The following L3MBTL4 variants were observed in gnomAD, a reference collection of about 807,000 sequenced individuals.
The protein encoded by L3MBTL4 is L3MBTL histone methyl-lysine binding protein 4, also known as lethal(3)malignant brain tumor-like protein 4.
A neutral mutation model predicts 84.5 loss-of-function variants in L3MBTL4; 70 were observed. The ratio of observed to expected loss-of-function variants is 0.83; its 90% CI spans 0.68 to 1.01. The LOEUF is 1.01. Ranked by LOEUF, L3MBTL4 falls within the 50% of genes least tolerant of loss-of-function variation. The pLI is 0.00. For missense variants in L3MBTL4, 715 were observed against 754.8 expected, an observed-to-expected ratio of 0.95 and a Z score of 0.62; for synonymous variants, 274 against 259.8, an observed-to-expected ratio of 1.05 and a Z score of -0.52.
chr18:5,966,821 C>T (rs1343191638), intron 17 of L3MBTL4, among the ~76,000 whole-genome samples: 2 of 152,184 alleles, frequency 1.3e-5, no homozygotes, highest in African/African-American at 4.8e-5. Flanking sequence ...ATTATTACCC[C>T]AATTAAGTAC....
At chr18:6,096,194 C>A (rs1409136622) in intron 14 of L3MBTL4, among the ~76,000 whole-genome samples, 1 of 152,172 alleles carries the variant, frequency 6.6e-6, no homozygotes, top group Non-Finnish European at 1.5e-5. Flanking sequence ...CAGACCCCTC[C>A]ACAGTGAGCT....
intron 4 of L3MBTL4, among the ~76,000 whole-genome samples, chr18:6,269,329 T>C (rs2048768276): frequency 6.6e-6 from 1 of 151,870 alleles, no homozygotes; most frequent in Non-Finnish European, 1.5e-5. Flanking sequence ...TGGTGGTGGG[T>C]GCCTGTAGTT....
chr18:6,184,454 C>A (rs1391136042), intron 12 of L3MBTL4, among the ~76,000 whole-genome samples: 3 of 152,126 alleles, frequency 2.0e-5, no homozygotes, highest in Non-Finnish European at 4.4e-5. Flanking sequence ...CACTACCAAA[C>A]AAATACGTCT....
chr18:6,346,798 C>T (rs575487467), intron 1 of L3MBTL4, among the ~76,000 whole-genome samples: 3 of 152,144 alleles, frequency 2.0e-5, no homozygotes, highest in Admixed American at 2.0e-4. Flanking sequence ...AATATGACTA[C>T]CATATGATCC....
intron 3 of L3MBTL4, 77 bp downstream of exon 3, chr18:6,311,477 G>C (rs2050827583): frequency 3.2e-6 from 4 of 1,235,854 alleles, no homozygotes; most frequent in Non-Finnish European, 4.8e-6. Context: ...GTGTGGTTAT[G>C]TGAACTCTAC....
At chr18:6,276,654 T>TAAA (rs60947386) in intron 4 of L3MBTL4, among the ~76,000 whole-genome samples, 2 of 125,150 alleles carry the variant, frequency 1.6e-5, no homozygotes, top group African/African-American at 2.8e-5. Flanking sequence ...AACAAAGCAT[T>TAAA]AAAAAAAAAA....
intron 14 of L3MBTL4, among the ~76,000 whole-genome samples, chr18:6,095,247 T>C (rs1482102446): frequency 6.6e-6 from 1 of 152,144 alleles, no homozygotes; most frequent in Non-Finnish European, 1.5e-5. Context: ...GCTCACACAG[T>C]GTAAGCAACT....
At chr18:6,121,694 G>GTGTC (rs2059532844) in intron 14 of L3MBTL4, among the ~76,000 whole-genome samples, 1 of 134,832 alleles carries the variant, frequency 7.4e-6, no homozygotes, top group Non-Finnish European at 1.5e-5. Context: ...CCGTGTGTGT[G>GTGTC]TGTGTGTGTG....
chr18:6,369,048 T>C (rs1306923344), intron 1 of L3MBTL4, among the ~76,000 whole-genome samples: 2 of 138,248 alleles, frequency 1.4e-5, no homozygotes, highest in Non-Finnish European at 3.1e-5. Context: ...TCTCAAAAAT[T>C]AAAAAAAAAA....
chr18:6,310,230 C>T (rs1157817816), intron 3 of L3MBTL4, among the ~76,000 whole-genome samples: 1 of 152,226 alleles, frequency 6.6e-6, no homozygotes, highest in Non-Finnish European at 1.5e-5. Context: ...TAAGCCAAGA[C>T]AGATGCAGGC....
intron 13 of L3MBTL4, among the ~76,000 whole-genome samples, chr18:6,141,868 G>A (rs2060205495): frequency 6.6e-6 from 1 of 152,084 alleles, no homozygotes; most frequent in African/African-American, 2.4e-5. Context: ...TCTCATTGCT[G>A]TTAGGATGAA....
intron 5 of L3MBTL4, among the ~76,000 whole-genome samples, chr18:6,249,557 T>C (rs2047833851): frequency 6.6e-6 from 1 of 152,202 alleles, no homozygotes; most frequent in African/African-American, 2.4e-5. Context: ...TCAGCATTTC[T>C]TGGAGGGTTT....
In L3MBTL4 at chr18:6,094,620, A is replaced by G. The variant is rs140015273; in HGVS notation, c.1200-1092T>C. Among the ~76,000 whole-genome samples, 464 of 152,286 alleles carry G rather than the reference A, an allele frequency of 3.0e-3. 4 individuals carry two copies. The highest frequency in any genetic ancestry group is 0.011 in the African/African-American group (450 of 41,562). On this transcript the variant is annotated intron_variant, in intron 14 of 18. Transcript: ENST00000317931. ...CTACTCACTATGAATTTGCTGATACATAGTACAAAGTAAATCCATTCTGAA... is the reference window on the plus strand; with the variant it reads ...CTACTCACTATGAATTTGCTGATACGTAGTACAAAGTAAATCCATTCTGAA...
intron 14 of L3MBTL4, among the ~76,000 whole-genome samples, chr18:6,124,965 GA>G (rs2059641431): frequency 7.5e-6 from 1 of 132,484 alleles, no homozygotes; most frequent in South Asian, 2.1e-4. Context: ...ATTAGGAAAA[GA>G]AAAGATAAAT....
At chr18:6,293,264 G>A (rs1381127363) in intron 4 of L3MBTL4, among the ~76,000 whole-genome samples, 1 of 152,042 alleles carries the variant, frequency 6.6e-6, no homozygotes, top group African/African-American at 2.4e-5. Flanking sequence ...CCTAGCCCTG[G>A]CCACATAAAA....
At chr18:6,261,262 G>C (rs924025906) in intron 5 of L3MBTL4, among the ~76,000 whole-genome samples, 1 of 152,206 alleles carries the variant, frequency 6.6e-6, no homozygotes, top group African/African-American at 2.4e-5. Context: ...TGCACACACA[G>C]AGTCTTAAAC....
intron 16 of L3MBTL4, among the ~76,000 whole-genome samples, chr18:6,004,296 A>G (rs1253084587): frequency 6.6e-6 from 1 of 152,234 alleles, no homozygotes; most frequent in Non-Finnish European, 1.5e-5. Context: ...ACAAATTCTC[A>G]GAAACACAAA....
intron 1 of L3MBTL4, among the ~76,000 whole-genome samples, chr18:6,387,302 T>G (rs1235035339): frequency 6.6e-6 from 1 of 152,198 alleles, no homozygotes; most frequent in Non-Finnish European, 1.5e-5. Flanking sequence ...AGATTTGTGT[T>G]TCTCAAACTA....
chr18:6,288,865 T>C (rs1363349484), intron 4 of L3MBTL4, among the ~76,000 whole-genome samples: 1 of 151,594 alleles, frequency 6.6e-6, no homozygotes, highest in Admixed American at 6.6e-5. Flanking sequence ...ATTAAATTTA[T>C]ATTATTGTTA....
Sources: gnomAD v4.1 joint callset for allele counts (sites outside exome capture counted in the v4.1 genomes callset) on GRCh38, gnomAD v4.1.1 for gene constraint, MANE v1.5 for transcripts, NCBI Gene and HGNC (gene_info 2026-07-23, HGNC 2026-07-21) for gene names.